The following ST3GAL1 variants were observed in gnomAD, a reference collection of about 807,000 sequenced individuals.
ST3GAL1 encodes ST3 beta-galactoside alpha-2,3-sialyltransferase 1.
Under a neutral mutation model 34.1 loss-of-function variants are expected in ST3GAL1, and 16 were observed. That is an observed-to-expected ratio of 0.47 (90% CI 0.32 to 0.71). The LOEUF is 0.71. Among genes scored for constraint, ST3GAL1 ranks in the 30% least tolerant of loss-of-function variants. ST3GAL1 has a pLI of 0.04. For missense variants in ST3GAL1, 353 were observed against 447.4 expected, an observed-to-expected ratio of 0.79 and a Z score of 1.90; for synonymous variants, 191 against 184.7, an observed-to-expected ratio of 1.03 and a Z score of -0.28.
At chr8:133,506,422 G>C (rs1053018318) in intron 2 of ST3GAL1, among the ~76,000 whole-genome samples, 3 of 152,232 alleles carry the variant, frequency 2.0e-5, no homozygotes, top group Non-Finnish European at 4.4e-5. Context: ...ATAAATGGCA[G>C]ATCTCCTTTG....
At chr8:133,488,885 G>T (rs772892847) in intron 3 of ST3GAL1, among the ~76,000 whole-genome samples, 1 of 152,170 alleles carries the variant, frequency 6.6e-6, no homozygotes, top group Non-Finnish European at 1.5e-5. Flanking sequence ...GCCAGGCAAG[G>T]TCTGGTGGCC....
chr8:133,518,791 C>A (rs937420948), intron 2 of ST3GAL1, among the ~76,000 whole-genome samples: 2 of 152,128 alleles, frequency 1.3e-5, no homozygotes, highest in Non-Finnish European at 2.9e-5. Context: ...GAAAAGTCTT[C>A]TAGGAGGTGC....
In ST3GAL1 at chr8:133,494,389, T is replaced by C. The variant is rs181144184; in HGVS notation, c.-374+4746A>G. ...GAAGAGTTCCCTCTGAGCTCAGGCT[T>C]TGTGCACAAAAAGCAGTGAGATCTT... On this transcript the variant is annotated intron_variant, in intron 3 of 9. Coordinates refer to ENST00000522652, the MANE Select transcript of ST3GAL1 (RefSeq NM_173344.3). 5.9e-5 allele frequency among the ~76,000 whole-genome samples: 9 copies of C among 152,300 alleles called. No homozygotes were observed. In the East Asian group the frequency reaches 1.5e-3, roughly 26 times the overall value.
chr8:133,497,630 G>A (rs1817005523), intron 3 of ST3GAL1, among the ~76,000 whole-genome samples: 1 of 151,864 alleles, frequency 6.6e-6, no homozygotes, highest in Non-Finnish European at 1.5e-5. Flanking sequence ...CCGCCACCAT[G>A]CCTGGCTAAT....
chr8:133,470,839 G>A (rs1361369012), intron 5 of ST3GAL1, among the ~76,000 whole-genome samples: 1 of 152,162 alleles, frequency 6.6e-6, no homozygotes, highest in Non-Finnish European at 1.5e-5. Context: ...CTTGAAGCTG[G>A]AGCCCTGGGT....
chr8:133,518,355 C>A (rs879513114), intron 2 of ST3GAL1, among the ~76,000 whole-genome samples: 4 of 152,250 alleles, frequency 2.6e-5, no homozygotes, highest in Non-Finnish European at 5.9e-5. Flanking sequence ...AAGCTCTCTG[C>A]TGCAGCTGCA....
At chr8:133,528,304 C>A (rs1449485650) in intron 2 of ST3GAL1, among the ~76,000 whole-genome samples, 3 of 152,198 alleles carry the variant, frequency 2.0e-5, no homozygotes, top group African/African-American at 4.8e-5. Flanking sequence ...AGGAGCAGGA[C>A]CTAGCCTAGA....
intron 1 of ST3GAL1, among the ~76,000 whole-genome samples, chr8:133,555,301 C>T (rs1818977987): frequency 6.6e-6 from 1 of 152,040 alleles, no homozygotes; most frequent in Non-Finnish European, 1.5e-5. Context: ...ATTTCTGTTG[C>T]TCCCCCTGCC....
chr8:133,507,107 A>G (rs1052070424), intron 2 of ST3GAL1, among the ~76,000 whole-genome samples: 1 of 152,166 alleles, frequency 6.6e-6, no homozygotes, highest in African/African-American at 2.4e-5. Flanking sequence ...AGAATTCCAC[A>G]TAAGAAACGT....
At chr8:133,491,339 G>A (rs538605991) in intron 3 of ST3GAL1, among the ~76,000 whole-genome samples, 92 of 152,134 alleles carry the variant, frequency 6.0e-4, no homozygotes, top group African/African-American at 2.1e-3. Flanking sequence ...CACTATGCGC[G>A]CACCCAGGCT....
intron 5 of ST3GAL1, among the ~76,000 whole-genome samples, chr8:133,475,045 C>T (rs4736677): frequency 9.4e-4 from 143 of 152,214 alleles, no homozygotes; most frequent in African/African-American, 2.2e-3. Flanking sequence ...TTGGAAAAAG[C>T]GCCTCTGTGG....
chr8:133,482,454 T>G (rs1816430323), intron 3 of ST3GAL1, among the ~76,000 whole-genome samples: 1 of 152,284 alleles, frequency 6.6e-6, no homozygotes, highest in Non-Finnish European at 1.5e-5. Flanking sequence ...ACCAGCCAAG[T>G]GCACAGATGG....
In ST3GAL1 at chr8:133,457,941, A is replaced by C. The variant is rs1353163988; in HGVS notation, c.*1823T>G. ...CCTTTTCAGGGATATTTTCAACAAG[A>C]AAGTGGTTTTTCTGCTTAAACATTA... On this transcript the variant is annotated 3_prime_UTR_variant, in exon 10 of 10. Transcript: ENST00000522652. 6.6e-6 allele frequency: 1 copy of C among 152,224 alleles called. No homozygotes were observed. Among genetic ancestry groups the C allele is most frequent in the Non-Finnish European group, 1.5e-5 (1 of 68,048 alleles). The allele number at this position is 152,224 out of a possible 1,614,324, so 9.4% of individuals were successfully genotyped here.
At chr8:133,521,549 G>A (rs1225533120) in intron 2 of ST3GAL1, among the ~76,000 whole-genome samples, 1 of 152,038 alleles carries the variant, frequency 6.6e-6, no homozygotes. Flanking sequence ...CACCCACCTC[G>A]GCCTCCCAAA....
At chr8:133,488,004 C>T (rs13260735) in intron 3 of ST3GAL1, 41,318 of 150,132 alleles carry the variant, frequency 0.28, 6,309 homozygotes, top group Non-Finnish European at 0.35. Context: ...GAATGATCTT[C>T]GTCCTTGCTC....
Position 133,556,275 on chromosome 8 carries a change from G to C in ST3GAL1, c.-581-10349C>G, listed in dbSNP as rs899091192. Among the ~76,000 whole-genome samples, 4 of 152,190 alleles carry C rather than the reference G, an allele frequency of 2.6e-5. No individual in the cohort carries two copies. Among genetic ancestry groups the C allele is most frequent in the African/African-American group, 9.7e-5 (4 of 41,448 alleles). On this transcript the variant is annotated intron_variant, in intron 1 of 9. Transcript: ENST00000522652. This position sits in a 1 kb window ranked among gnomAD's most constrained non-coding sequence, Gnocchi z 8.9. ...CCCAGAGCACAAGGGGTAACACTAA[G>C]CTCGGACGTGGAAGTCACTTGCCCC...
At chr8:133,540,121 C>T (rs1818422722) in intron 2 of ST3GAL1, among the ~76,000 whole-genome samples, 1 of 152,142 alleles carries the variant, frequency 6.6e-6, no homozygotes, top group Non-Finnish European at 1.5e-5. Flanking sequence ...TTGGATCCAT[C>T]CTCAAAATCA....
intron 5 of ST3GAL1, among the ~76,000 whole-genome samples, chr8:133,470,846 G>A (rs770715721): frequency 6.6e-6 from 1 of 152,122 alleles, no homozygotes; most frequent in Non-Finnish European, 1.5e-5. Context: ...CTGGAGCCCT[G>A]GGTGCCTCAC....
rs989505464 is a variant in ST3GAL1 at position 133,529,311 on chromosome 8, G to A, written c.-429+16463C>T. On this transcript the variant is annotated intron_variant, in intron 2 of 9. Coordinates refer to ENST00000522652, the MANE Select transcript of ST3GAL1 (RefSeq NM_173344.3). ...GCCAGACAGAAAGCGGGCCAGAGAGGATGCGGCAGTTCTGATGAAGAAGAG... is the reference window on the plus strand; with the variant it reads ...GCCAGACAGAAAGCGGGCCAGAGAGAATGCGGCAGTTCTGATGAAGAAGAG... Among the ~76,000 whole-genome samples, 7 of 152,344 alleles carry A rather than the reference G, an allele frequency of 4.6e-5. No homozygotes were observed. In the South Asian group the frequency reaches 1.0e-3, roughly 23 times the overall value.
Sources: allele counts gnomAD v4.1 joint callset (sites outside exome capture counted in the v4.1 genomes callset), GRCh38; gene constraint gnomAD v4.1.1; non-coding constraint Gnocchi (gnomAD v3.1); transcripts MANE v1.5; gene names NCBI Gene and HGNC (gene_info 2026-07-23, HGNC 2026-07-21).